Variants in FYB1 observed in about 807,000 individuals in gnomAD.
The protein encoded by FYB1 is FYN binding protein 1.
A neutral mutation model predicts 94.1 loss-of-function variants in FYB1; 41 were observed. That is an observed-to-expected ratio of 0.44 (90% CI 0.34 to 0.57). FYB1 has a LOEUF of 0.57. Among genes scored for constraint, FYB1 ranks in the 20% least tolerant of loss-of-function variants. FYB1 has a pLI of 0.02. For missense variants in FYB1, 1,050 were observed against 976.8 expected, an observed-to-expected ratio of 1.07 and a Z score of -1.00; for synonymous variants, 367 against 353.2, an observed-to-expected ratio of 1.04 and a Z score of -0.44.
chr5:39,238,411 A>G (rs1017805220), intron 1 of FYB1, among the ~76,000 whole-genome samples: 1 of 151,992 alleles, frequency 6.6e-6, no homozygotes, highest in South Asian at 2.1e-4. Context: ...AATTCACTCT[A>G]GGGGAAAAAA....
chr5:39,194,062 A>C (rs1267918446), intron 2 of FYB1, among the ~76,000 whole-genome samples: 6 of 152,220 alleles, frequency 3.9e-5, no homozygotes, highest in African/African-American at 1.4e-4. Flanking sequence ...TGACACAGAC[A>C]TATCCTGGCT....
At chr5:39,111,659 G>T (rs1739089039) in intron 16 of FYB1, among the ~76,000 whole-genome samples, 1 of 151,754 alleles carries the variant, frequency 6.6e-6, no homozygotes, top group Admixed American at 6.6e-5. Flanking sequence ...GGGAAAGAAA[G>T]AATCAAAGTT....
intron 1 of FYB1, among the ~76,000 whole-genome samples, chr5:39,270,253 C>T (rs1220853664): frequency 6.6e-6 from 1 of 152,048 alleles, no homozygotes; most frequent in East Asian, 1.9e-4. Flanking sequence ...ACAGGAAACT[C>T]GACTAAATTA....
intron 16 of FYB1, among the ~76,000 whole-genome samples, chr5:39,116,075 A>G (rs1445304802): frequency 6.6e-6 from 1 of 152,196 alleles, no homozygotes; most frequent in Non-Finnish European, 1.5e-5. Context: ...GGATGGGATA[A>G]CACTGACACT....
intron 1 of FYB1, among the ~76,000 whole-genome samples, chr5:39,210,222 C>T (rs1034571361): frequency 5.9e-5 from 9 of 152,138 alleles, no homozygotes; most frequent in African/African-American, 2.2e-4. Context: ...TCTGCTATGG[C>T]CTTGCATTGT....
chr5:39,270,550 T>C, intron 1 of FYB1: 1 of 1,533,986 alleles, frequency 6.5e-7, no homozygotes, highest in East Asian at 2.4e-5. Context: ...CAAGGAGAGT[T>C]ATAAAATCTA....
At chr5:39,222,749 T>TA (rs1233448343), upstream of FYB1, among the ~76,000 whole-genome samples, 1 of 152,202 alleles carries the variant, frequency 6.6e-6, no homozygotes, top group Non-Finnish European at 1.5e-5. Flanking sequence ...TATTTTGAGC[T>TA]TTTCTTATTA....
intron 1 of FYB1, among the ~76,000 whole-genome samples, chr5:39,211,299 A>C (rs1483534422): frequency 2.0e-5 from 3 of 148,996 alleles, no homozygotes; most frequent in Admixed American, 6.8e-5. Context: ...AATTTCAGCT[A>C]CTATTTCTTT....
upstream of FYB1, among the ~76,000 whole-genome samples, chr5:39,221,933 G>A (rs964171070): frequency 2.0e-5 from 3 of 152,014 alleles, no homozygotes; most frequent in Admixed American, 6.6e-5. Flanking sequence ...CAAAGGAGGC[G>A]GAGGTTGCAG....
rs567648754 is a variant in FYB1 at position 39,108,219 on chromosome 5, C to T, written c.2467+12G>A. ...ATGACTGTTCTCTAGGGTGGTACTA[C>T]ATAAGACTTACCATCAGCAATATCA... On this transcript the variant is annotated intron_variant, in intron 18 of 18. Transcript: ENST00000512982. 32 of 1,522,338 alleles carry T rather than the reference C, an allele frequency of 2.1e-5. No homozygotes were observed. The highest frequency in any genetic ancestry group is 2.1e-4 in the South Asian group (17 of 82,774). 94.3% of individuals were successfully genotyped at this position (1,522,338 alleles called of 1,614,324 possible).
At chr5:39,238,782 G>A (rs1751080481) in intron 1 of FYB1, among the ~76,000 whole-genome samples, 1 of 152,122 alleles carries the variant, frequency 6.6e-6, no homozygotes, top group African/African-American at 2.4e-5. Context: ...AAAGCCGAGA[G>A]GGTATCAGGG....
At chr5:39,203,023 A>G (rs749584818) in intron 1 of FYB1, 36 bp from the exon 2 acceptor site, 2 of 1,583,922 alleles carry the variant, frequency 1.3e-6, no homozygotes, top group Non-Finnish European at 1.7e-6. Flanking sequence ...GCTGAGAGAC[A>G]AAAGTCTTAC....
chr5:39,190,106 T>C (rs1747226062), intron 2 of FYB1, among the ~76,000 whole-genome samples: 1 of 152,228 alleles, frequency 6.6e-6, no homozygotes, highest in Admixed American at 6.5e-5. Context: ...ACATTGGCTT[T>C]TCTACTTTAA....
intron 3 of FYB1, among the ~76,000 whole-genome samples, chr5:39,142,338 A>G (rs911438234): frequency 6.6e-6 from 1 of 152,162 alleles, no homozygotes; most frequent in Non-Finnish European, 1.5e-5. Context: ...CTGATGAAGC[A>G]GCAGTCATTA....
At chr5:39,120,206 T>A (rs553746455) in intron 14 of FYB1, among the ~76,000 whole-genome samples, 15 of 151,674 alleles carry the variant, frequency 9.9e-5, no homozygotes, top group African/African-American at 3.4e-4. Flanking sequence ...CTGATCTTTA[T>A]CTTCATCCCT....
At chr5:39,175,673 C>G (rs922690979) in intron 2 of FYB1, among the ~76,000 whole-genome samples, 3 of 152,250 alleles carry the variant, frequency 2.0e-5, no homozygotes, top group Admixed American at 1.3e-4. Flanking sequence ...CAGTATTCTT[C>G]CTGGCCACTC....
At chr5:39,128,451 G>A (rs549020646) in intron 10 of FYB1, among the ~76,000 whole-genome samples, 3 of 152,226 alleles carry the variant, frequency 2.0e-5, no homozygotes, top group East Asian at 1.9e-4. Flanking sequence ...AGCACTGCAA[G>A]TGTTAGATCA....
At chr5:39,231,645 A>G (rs1750749888) in intron 1 of FYB1, among the ~76,000 whole-genome samples, 1 of 152,138 alleles carries the variant, frequency 6.6e-6, no homozygotes, top group South Asian at 2.1e-4. Context: ...CCAGGAGATT[A>G]GTGCAAACAA....
intron 6 of FYB1, 77 bp downstream of exon 6, chr5:39,138,580 T>C: frequency 2.5e-6 from 2 of 798,948 alleles, no homozygotes; most frequent in African/African-American, 3.5e-5. Context: ...AGTGTTGTTA[T>C]ATACCCACTC....
Sources: gnomAD v4.1 joint callset for allele counts (sites outside exome capture counted in the v4.1 genomes callset) on GRCh38, gnomAD v4.1.1 for gene constraint, MANE v1.5 for transcripts, NCBI Gene and HGNC (gene_info 2026-07-23, HGNC 2026-07-21) for gene names.